Variants in FNDC1 observed in about 807,000 individuals in gnomAD.
The protein encoded by FNDC1 is fibronectin type III domain-containing protein 1.
FNDC1 carries 96 observed loss-of-function variants against 168.0 expected under a neutral mutation model. The observed-to-expected ratio is 0.57, with a 90% confidence interval of 0.48 to 0.68. FNDC1 has a LOEUF of 0.68. Among genes scored for constraint, FNDC1 ranks in the 30% least tolerant of loss-of-function variants. FNDC1 has a pLI of 0.00. For synonymous variants in FNDC1, 1,099 were observed against 1,025.9 expected (o/e 1.07, Z -1.36); for missense variants, 2,587 against 2,482.1 (o/e 1.04, Z -0.90).
intron 19 of FNDC1, among the ~76,000 whole-genome samples, chr6:159,264,161 T>A (rs1463782524): frequency 6.6e-6 from 1 of 152,220 alleles, no homozygotes; most frequent in East Asian, 1.9e-4. Flanking sequence ...CATGAAGCCA[T>A]TGTCACTGTC....
intron 1 of FNDC1, among the ~76,000 whole-genome samples, chr6:159,190,530 G>T (rs1020768073): frequency 6.6e-6 from 1 of 152,224 alleles, no homozygotes; most frequent in Admixed American, 6.5e-5. Flanking sequence ...GGGAAGCTGC[G>T]TGCTGAGTAG....
At chr6:159,251,833 T>C (rs1211188699) in intron 17 of FNDC1, among the ~76,000 whole-genome samples, 1 of 152,176 alleles carries the variant, frequency 6.6e-6, no homozygotes, top group Non-Finnish European at 1.5e-5. Context: ...GATTTCCCCA[T>C]ATGCAAAACA....
chr6:159,189,887 TC>T (rs1782094653), intron 1 of FNDC1, among the ~76,000 whole-genome samples: 1 of 152,212 alleles, frequency 6.6e-6, no homozygotes, highest in Admixed American at 6.5e-5. Flanking sequence ...TTATGTCATC[TC>T]ATTCCTGGGA....
At chr6:159,221,765 G>T in intron 6 of FNDC1, 69 bp downstream of exon 6, 1 of 1,180,220 alleles carries the variant, frequency 8.5e-7, no homozygotes. Flanking sequence ...TCCAAATGAT[G>T]CTGGCTGAAT....
In FNDC1 at chr6:159,267,426, T is replaced by A. The variant is rs1265388122; in HGVS notation, c.5447-378T>A. Among the ~76,000 whole-genome samples the A allele has an allele frequency of 2.0e-5, 3 of 152,162 alleles. No homozygotes were observed. In the East Asian group the frequency reaches 5.8e-4, roughly 29 times the overall value. ...CTCCTAGTTACACATGAAAATAGAT[T>A]CTTCTATTTGTATAGACCTTCCTGC... On this transcript the variant is annotated intron_variant, in intron 21 of 22. Coordinates refer to ENST00000297267, the MANE Select transcript of FNDC1 (RefSeq NM_032532.3).
chr6:159,209,807 C>CT (rs1365946218), intron 4 of FNDC1, among the ~76,000 whole-genome samples: 3 of 152,140 alleles, frequency 2.0e-5, no homozygotes, highest in African/African-American at 4.8e-5. Flanking sequence ...CTTTTTCATC[C>CT]TTTTTTTCCT....
chr6:159,254,916 C>T (rs1270999070), intron 17 of FNDC1, among the ~76,000 whole-genome samples: 1 of 152,044 alleles, frequency 6.6e-6, no homozygotes, highest in African/African-American at 2.4e-5. Flanking sequence ...ATGTTGCTGT[C>T]TGGATTCCTC....
rs756066825 is a variant in FNDC1, at chr6:159,234,069, G to T, written c.3557G>T (p.Gly1186Val). 1.2e-6 allele frequency: 2 copies of T among 1,612,616 alleles called. No homozygotes were observed. Among genetic ancestry groups the T allele is most frequent in the Middle Eastern group, 3.3e-4 (2 of 6,056 alleles). The part of the protein sequence containing the change: ...SAEDDEEEDA[G>V]FFKGGKEDLL... ...GAGGACGACGAGGAGGAGGACGCGG[G>T]ATTTTTTAAAGGCGGGAAAGAAGAC... Residue 1186 changes from glycine to valine, a missense_variant, in exon 11 of 23, where the codon GGA (glycine) becomes GTA (valine). Coordinates refer to ENST00000297267, the MANE Select transcript of FNDC1 (RefSeq NM_032532.3).
Position 159,267,884 on chromosome 6 carries a change from A to G in FNDC1, c.5527A>G (p.Thr1843Ala). Residue 1843 changes from threonine (T) to alanine (A), a missense_variant, in exon 22 of 23, where the codon ACA becomes GCA. Coordinates refer to ENST00000297267, the MANE Select transcript of FNDC1 (RefSeq NM_032532.3). ...TGTGGATTCACACCTTGATGGAAGA[A>G]CAGGGCCTCAGTCCTATGTAGAAGC... Reference protein sequence around the residue: ...QFVDSHLDGRTGPQSYVEALP... With the variant: ...QFVDSHLDGRAGPQSYVEALP... 1 of 1,612,968 alleles carries G rather than the reference A, an allele frequency of 6.2e-7. No homozygotes were observed. The highest frequency in any genetic ancestry group is 8.5e-7 in the Non-Finnish European group (1 of 1,179,424).
chr6:159,200,229 G>C, intron 3 of FNDC1, 147 bp downstream of exon 3: 2 of 674,980 alleles, frequency 3.0e-6, no homozygotes, highest in Non-Finnish European at 5.0e-6. Flanking sequence ...CAAGCTGACA[G>C]ATTGAAAAGT....
At position 159,236,223 on chromosome 6, in the gene FNDC1, G is replaced by A; in HGVS notation, c.3976G>A (p.Gly1326Ser). Residue 1326 changes from glycine to serine, a missense_variant, in exon 12 of 23, where the codon GGC (glycine) becomes AGC (serine). Transcript: ENST00000297267. ...TTTTTGGTACTGTGTAGGTTATAATGGCAGACCAAATGTAGAAGGGAAAGT... is the reference window on the plus strand; with the variant it reads ...TTTTTGGTACTGTGTAGGTTATAATAGCAGACCAAATGTAGAAGGGAAAGT... The part of the protein sequence containing the change: ...ARPSYRQGYN[G>S]RPNVEGKVLP... The A allele has an allele frequency of 6.2e-7, 1 of 1,612,636 alleles. No individual in the cohort carries two copies.
At position 159,234,010 on chromosome 6, in the gene FNDC1, C is replaced by G. The variant is rs749069803; in HGVS notation, c.3498C>G (p.Pro1166=). Reference sequence around the variant, plus strand: ...AGTCGGAGCCTCCTTCCAAGCGGCCCCTGTCCTCCAAGTCCCAGCAGTCGG... The same window carrying G: ...AGTCGGAGCCTCCTTCCAAGCGGCCGCTGTCCTCCAAGTCCCAGCAGTCGG... ...PGKSEPPSKR[P]LSSKSQQSVS... The change falls in exon 11 of 23, where the codon CCC becomes CCG. Residue 1166 remains proline (P), a synonymous_variant. Coordinates refer to ENST00000297267, the MANE Select transcript of FNDC1 (RefSeq NM_032532.3). 5 of 1,608,422 alleles carry G rather than the reference C, an allele frequency of 3.1e-6. No homozygotes were observed. The highest frequency in any genetic ancestry group is 2.2e-5 in the South Asian group (2 of 90,058).
At chr6:159,251,268 A>G in intron 16 of FNDC1, 34 bp from the exon 17 acceptor site, 1 of 1,541,936 alleles carries the variant, frequency 6.5e-7, no homozygotes, top group Non-Finnish European at 8.9e-7. Context: ...AAAAGCCTCC[A>G]GCAATCCAAT....
At chr6:159,249,228 T>C in intron 16 of FNDC1, 46 bp downstream of exon 16, 2 of 1,554,416 alleles carry the variant, frequency 1.3e-6, no homozygotes, top group Non-Finnish European at 1.7e-6. Context: ...TTTTAACTTG[T>C]GGTCTTTGAA....
At chr6:159,172,236 G>A (rs1315429785) in intron 1 of FNDC1, among the ~76,000 whole-genome samples, 2 of 152,238 alleles carry the variant, frequency 1.3e-5, no homozygotes, top group Admixed American at 6.5e-5. Context: ...AAGCACTGGT[G>A]TGATTGTTTG....
rs1432258958 is a variant in FNDC1, at chr6:159,233,788, G to T, written c.3276G>T (p.Arg1092=). ...DSTEVEAQDV[R]APAHAARAKE... is the part of the protein sequence containing the mutation. The stretch of plus-strand genomic sequence containing the variant: ...CAGAAGTCGAGGCCCAGGATGTGCG[G>T]GCCCCCGCGCACGCCGCGCGCGCCA... The change falls in exon 11 of 23, where the codon CGG becomes CGT. Residue 1092 remains arginine, a synonymous_variant. Transcript: ENST00000297267. This position sits in a 1 kb window ranked among gnomAD's most constrained non-coding sequence, Gnocchi z 4.6. The T allele has an allele frequency of 1.3e-5, 20 of 1,539,740 alleles. No individual in the cohort carries two copies. Among genetic ancestry groups the T allele is most frequent in the Non-Finnish European group, 1.7e-5 (19 of 1,142,060 alleles).
rs114269888 is a variant in FNDC1 at position 159,204,739 on chromosome 6, G to A, written c.460+4158G>A. Among the ~76,000 whole-genome samples, 557 of 152,350 alleles carry A rather than the reference G, an allele frequency of 3.7e-3. 4 individuals are homozygous for A. Among genetic ancestry groups the A allele is most frequent in the African/African-American group, 0.013 (542 of 41,586 alleles). ...CAGATGAAGAGCTGATCTGATTTGA[G>A]TTACAACAGCTTGTCAGAGCTGGTT... On this transcript the variant is annotated intron_variant, in intron 4 of 22. Transcript: ENST00000297267.
rs1562628557 is a variant in FNDC1 at position 159,184,632 on chromosome 6, T to TGAAAA, written c.110-12799_110-12798insGAAAA. 1.7e-4 allele frequency among the ~76,000 whole-genome samples: 26 copies of TGAAAA among 152,280 alleles called. No homozygotes were observed. In the East Asian group the frequency reaches 5.0e-3, roughly 29 times the overall value. ...CTTCTAAGGGTGTTTTTCAGGGAGC[T>TGAAAA]TTCTGAGTAATATGAGTGGTGATTT... On this transcript the variant is annotated intron_variant, in intron 1 of 22. Coordinates refer to ENST00000297267, the MANE Select transcript of FNDC1 (RefSeq NM_032532.3).
intron 5 of FNDC1, among the ~76,000 whole-genome samples, chr6:159,221,036 G>A (rs1782811851): frequency 6.6e-6 from 1 of 152,208 alleles, no homozygotes; most frequent in African/African-American, 2.4e-5. Context: ...TACATTTAAA[G>A]TCTTCCATGT....
Sources: allele counts gnomAD v4.1 joint callset (sites outside exome capture counted in the v4.1 genomes callset), GRCh38; gene constraint gnomAD v4.1.1; non-coding constraint Gnocchi (gnomAD v3.1); transcripts MANE v1.5; gene names NCBI Gene and HGNC (gene_info 2026-07-23, HGNC 2026-07-21).